The following MAST4 variants were observed in gnomAD, a reference collection of about 807,000 sequenced individuals.
The protein encoded by MAST4 is microtubule associated serine/threonine kinase family member 4, also known as microtubule-associated serine/threonine-protein kinase 4.
A neutral mutation model predicts 162.7 loss-of-function variants in MAST4; 89 were observed. The ratio of observed to expected loss-of-function variants is 0.55; its 90% CI spans 0.46 to 0.65. The LOEUF (loss-of-function observed/expected upper bound fraction) is 0.65, where lower values mean the gene tolerates loss of function less well. Among genes scored for constraint, MAST4 ranks in the 30% least tolerant of loss-of-function variants. The probability of loss-of-function intolerance (pLI) is 0.00; values close to 1 mark genes in which losing one functional copy is unlikely to be tolerated. For missense variants in MAST4, 3,153 were observed against 3,374.0 expected, an observed-to-expected ratio of 0.93 and a Z score of 1.62; for synonymous variants, 1,479 against 1,361.1, an observed-to-expected ratio of 1.09 and a Z score of -1.91.
chr5:66,848,443 G>A (rs1304940312), intron 3 of MAST4, among the ~76,000 whole-genome samples: 1 of 151,814 alleles, frequency 6.6e-6, no homozygotes, highest in African/African-American at 2.4e-5. Flanking sequence ...AAGCAGGCAG[G>A]TTGTTTTTTT....
intron 4 of MAST4, among the ~76,000 whole-genome samples, chr5:67,008,626 C>A (rs1309231518): frequency 6.6e-6 from 1 of 152,148 alleles, no homozygotes; most frequent in Non-Finnish European, 1.5e-5. Flanking sequence ...ATCTTTCAAC[C>A]TTGATGATGC....
chr5:66,773,628 C>T (rs1162654054), intron 2 of MAST4, among the ~76,000 whole-genome samples: 1 of 152,180 alleles, frequency 6.6e-6, no homozygotes, highest in Non-Finnish European at 1.5e-5. Flanking sequence ...TATCCTAGGG[C>T]TGCTCCCTCA....
chr5:66,970,742 C>T (rs1747331133), intron 4 of MAST4, among the ~76,000 whole-genome samples: 4 of 152,222 alleles, frequency 2.6e-5, no homozygotes, highest in African/African-American at 7.2e-5. Context: ...TTGCTACATG[C>T]CTGGCACTGT....
At chr5:67,127,962 A>C (rs1056269824) in intron 14 of MAST4, among the ~76,000 whole-genome samples, 1 of 152,206 alleles carries the variant, frequency 6.6e-6, no homozygotes, top group Non-Finnish European at 1.5e-5. Flanking sequence ...CAGACTTACA[A>C]TATATTGTTT....
intron 8 of MAST4, 90 bp from the exon 9 acceptor site, chr5:67,102,446 C>G: frequency 1.7e-6 from 2 of 1,187,376 alleles, no homozygotes; most frequent in Non-Finnish European, 2.5e-6. Context: ...TTGCATAGTA[C>G]TTTTGATGCA....
At chr5:67,057,591 TAAAAA>T (rs11351677) in intron 5 of MAST4, among the ~76,000 whole-genome samples, 5 of 111,592 alleles carry the variant, frequency 4.5e-5, no homozygotes, top group African/African-American at 1.6e-4. Flanking sequence ...ACAGTCTCAT[TAAAAA>T]AAAAAAAAAG....
chr5:67,118,666 T>G lies in MAST4; in HGVS notation c.1592-16T>G. The G allele has an allele frequency of 6.6e-7, 1 of 1,519,258 alleles. No individual in the cohort carries two copies. The highest frequency in any genetic ancestry group is 8.9e-7 in the Non-Finnish European group (1 of 1,118,160). The allele number at this position is 1,519,258 out of a possible 1,614,324, so 94.1% of individuals were successfully genotyped here. A position where few individuals can be genotyped will look rare whatever the true frequency, so the allele number is the denominator to read the frequency against. Reference sequence around the variant, plus strand: ...AATATTTTTATTAAGCTTAACTTTTTTTTTTTCCAACTTAGAAATGGCTCA... The same window carrying G: ...AATATTTTTATTAAGCTTAACTTTTGTTTTTTCCAACTTAGAAATGGCTCA... On this transcript the variant is annotated splice_polypyrimidine_tract_variant and intron_variant, in intron 12 of 28. Transcript: ENST00000403625.
At chr5:67,128,628 G>A (rs868673359) in intron 14 of MAST4, among the ~76,000 whole-genome samples, 4 of 152,144 alleles carry the variant, frequency 2.6e-5, no homozygotes, top group Non-Finnish European at 5.9e-5. Flanking sequence ...AACACTTAAG[G>A]TAAAAATGTT....
chr5:66,702,252 T>TG (rs1749828726), intron 1 of MAST4, among the ~76,000 whole-genome samples: 1 of 152,152 alleles, frequency 6.6e-6, no homozygotes, highest in African/African-American at 2.4e-5. Context: ...TCGACTGCCA[T>TG]GGGGTTCACT....
chr5:67,101,549 T>C (rs964057691), intron 8 of MAST4, among the ~76,000 whole-genome samples: 1 of 152,204 alleles, frequency 6.6e-6, no homozygotes, highest in African/African-American at 2.4e-5. Flanking sequence ...TATGAGATCT[T>C]TATGCTATAG....
chr5:66,924,805 C>G (rs1255515938), intron 4 of MAST4, among the ~76,000 whole-genome samples: 2 of 152,220 alleles, frequency 1.3e-5, no homozygotes, highest in African/African-American at 4.8e-5. Context: ...TATTTTATCA[C>G]TTAGGGAAAA....
intron 3 of MAST4, among the ~76,000 whole-genome samples, chr5:66,881,930 T>C (rs1044205145): frequency 1.3e-5 from 2 of 152,214 alleles, no homozygotes; most frequent in Non-Finnish European, 2.9e-5. Context: ...TTATCAAGTT[T>C]TGTCCTGCTT....
At chr5:67,151,190 T>G (rs1234630653) in intron 24 of MAST4, among the ~76,000 whole-genome samples, 1 of 152,254 alleles carries the variant, frequency 6.6e-6, no homozygotes, top group Non-Finnish European at 1.5e-5. Context: ...CATTCATTTC[T>G]GCTGCTATAA....
At position 66,788,754 on chromosome 5, in the gene MAST4, A is replaced by G; in HGVS notation, c.602A>G (p.Gln201Arg). ...ETSNLVRMRS[Q>R]ALGQSAPSLT... ...TCCAACCTCGTGCGCATGCGCAGCC[A>G]GGCCCTGGGCCAGTCGGCGCCCTCG... The change falls in exon 3 of 29, where the codon CAG becomes CGG. Residue 201 changes from glutamine (Q) to arginine (R), a missense_variant. Gln to Arg is a conservative substitution (Grantham distance 43). Around this residue, in one of 7 missense-constraint regions of MAST4, gnomAD observed 327 missense variants for 336.5 expected, o/e 0.97. Coordinates refer to ENST00000403625, the MANE Select transcript of MAST4 (RefSeq NM_001164664.2). The G allele has an allele frequency of 1.2e-6, 2 of 1,611,744 alleles. No individual in the cohort carries two copies. Among genetic ancestry groups the G allele is most frequent in the Non-Finnish European group, 1.7e-6 (2 of 1,178,746 alleles).
chr5:67,026,622 G>T (rs1754678046), intron 4 of MAST4, among the ~76,000 whole-genome samples: 2 of 150,924 alleles, frequency 1.3e-5, no homozygotes, highest in South Asian at 4.2e-4. Flanking sequence ...TTTAGTTGTT[G>T]TTATGGATCA....
chr5:66,755,640 A>C (rs543130319), intron 1 of MAST4, among the ~76,000 whole-genome samples: 16 of 152,344 alleles, frequency 1.1e-4, no homozygotes, highest in Admixed American at 9.8e-4. Context: ...ACTTTTTAAA[A>C]TTTATTCTTT....
chr5:66,901,299 GGTTTT>G lies in MAST4; in HGVS notation c.674+1323_674+1327del, dbSNP rs540488049. On this transcript the variant is annotated intron_variant, in intron 4 of 28. Coordinates refer to ENST00000403625, the MANE Select transcript of MAST4 (RefSeq NM_001164664.2). ...TAGCCTTTTTAATAGATTGCACATG[GGTTTT>G]GTTTTTTGTTTCTTGTTTTATCATG... Among the ~76,000 whole-genome samples the G allele has an allele frequency of 3.2e-3, 483 of 151,818 alleles. 5 individuals are homozygous for G. The highest frequency in any genetic ancestry group is 6.8e-3 in the Middle Eastern group (2 of 294).
chr5:66,823,203 C>A (rs1303787934), intron 3 of MAST4, among the ~76,000 whole-genome samples: 1 of 152,170 alleles, frequency 6.6e-6, no homozygotes, highest in Non-Finnish European at 1.5e-5. Flanking sequence ...GCCTCCCCAG[C>A]CATGCTGAAC....
chr5:66,675,833 A>G (rs897889640), intron 1 of MAST4, among the ~76,000 whole-genome samples: 1 of 152,258 alleles, frequency 6.6e-6, no homozygotes, highest in East Asian at 1.9e-4. Context: ...CTGCGTCTAC[A>G]TGATGAATAA....
Sources: allele counts gnomAD v4.1 joint callset (sites outside exome capture counted in the v4.1 genomes callset), GRCh38; gene constraint gnomAD v4.1.1; regional missense constraint gnomAD v4.1.1; transcripts MANE v1.5; gene names NCBI Gene and HGNC (gene_info 2026-07-23, HGNC 2026-07-21).